SH2D3C: variants seen among roughly 807,000 people sequenced by gnomAD.
SH2D3C encodes SH2 domain-containing protein 3C.
SH2D3C carries 25 observed loss-of-function variants against 75.2 expected under a neutral mutation model. That is an observed-to-expected ratio of 0.33 (90% CI 0.24 to 0.46). The LOEUF is 0.46. Ranked by LOEUF, SH2D3C falls within the 20% of genes least tolerant of loss-of-function variation. SH2D3C has a pLI of 1.00. For synonymous variants in SH2D3C, 450 were observed against 473.7 expected, an observed-to-expected ratio of 0.95 and a Z score of 0.65; for missense variants, 933 against 1,165.3, an observed-to-expected ratio of 0.80 and a Z score of 2.90.
rs1262084559 is a variant in SH2D3C at position 127,755,266 on chromosome 9, G to A, written c.556-3966C>T. 6.0e-6 allele frequency: 7 copies of A among 1,163,314 alleles called. No homozygotes were observed. The Admixed American group carries it at 2.8e-4, about 47-fold the overall frequency. 72.1% of individuals were successfully genotyped at this position (1,163,314 alleles called of 1,614,324 possible). A position where few individuals can be genotyped will look rare whatever the true frequency, so the allele number is the denominator to read the frequency against. On this transcript the variant is annotated intron_variant, in intron 3 of 11. Coordinates refer to ENST00000314830, the MANE Select transcript of SH2D3C (RefSeq NM_170600.3). ...GCACCGGCTGCGCGTGCCTCTCAGCGGCGCGATTACCTCATCGCCTTGTCG... is the reference window on the plus strand; with the variant it reads ...GCACCGGCTGCGCGTGCCTCTCAGCAGCGCGATTACCTCATCGCCTTGTCG...
chr9:127,761,723 G>T, intron 2 of SH2D3C, 73 bp from the exon 3 acceptor site: 2 of 1,339,760 alleles, frequency 1.5e-6, no homozygotes, highest in Non-Finnish European at 2.1e-6. Context: ...TTGCCTGCCT[G>T]CCTGGGGCCA....
intron 3 of SH2D3C, among the ~76,000 whole-genome samples, chr9:127,759,807 C>T (rs1396146631): frequency 6.6e-6 from 1 of 151,956 alleles, no homozygotes; most frequent in African/African-American, 2.4e-5. Context: ...CACGGTGAAA[C>T]TCCGACTCTA....
intron 2 of SH2D3C, among the ~76,000 whole-genome samples, chr9:127,762,919 G>T (rs1225726412): frequency 2.6e-5 from 4 of 152,212 alleles, no homozygotes; most frequent in Admixed American, 2.6e-4. Context: ...GATTATGCCA[G>T]AAAAACAGGC....
intron 3 of SH2D3C, chr9:127,755,244 C>A: frequency 8.7e-7 from 1 of 1,143,042 alleles, no homozygotes; most frequent in Non-Finnish European, 1.1e-6. Context: ...CGGCTAGGCA[C>A]CGGCTGCGCG....
chr9:127,766,965 A>G, intron 2 of SH2D3C: 1 of 1,536,198 alleles, frequency 6.5e-7, no homozygotes, highest in Non-Finnish European at 8.7e-7. Context: ...GGCCCTGGGC[A>G]AAAAGAGCTG....
Position 127,749,247 on chromosome 9 carries a change from G to T in SH2D3C, c.1103C>A (p.Ala368Asp). ...GCCATCGCTGCGGGTGACCTTGTCA[G>T]CAGTGAGCCCATCGGTCATGGTGAC... ...RSVTMTDGLT[A>D]DKVTRSDGCP... is the part of the protein sequence containing the mutation. Residue 368 changes from alanine to aspartate, a missense_variant, in exon 5 of 12, where the codon GCT becomes GAT. Coordinates refer to ENST00000314830, the MANE Select transcript of SH2D3C (RefSeq NM_170600.3). This position sits in a 1 kb window ranked among gnomAD's most constrained non-coding sequence, Gnocchi z 5.9. The T allele has an allele frequency of 6.3e-7, 1 of 1,584,902 alleles. No homozygotes were observed. Among genetic ancestry groups the T allele is most frequent in the Non-Finnish European group, 8.6e-7 (1 of 1,163,326 alleles).
rs1256158471 is a variant in SH2D3C, at chr9:127,738,754, C to T, written c.2575G>A (p.Glu859Lys). 3 of 1,600,246 alleles carry T rather than the reference C, an allele frequency of 1.9e-6. No homozygotes were observed. The highest frequency in any genetic ancestry group is 2.6e-6 in the Non-Finnish European group (3 of 1,172,928). The change falls in exon 12 of 12, where the codon GAG (glutamate) becomes AAG (lysine). Residue 859 changes from glutamate to lysine, a missense_variant. Physicochemically the swap from Glu to Lys is moderately conservative, Grantham distance 56. Transcript: ENST00000314830. The surrounding 1 kb of genome is among the most constrained non-coding windows in gnomAD (Gnocchi z 5.0). ...HKLEPAVRSS[E>K]L ...GGGAAATGTCCCTGGGGTCACAGCT[C>T]GCTGGAGCGGACAGCAGGTTCCAGC...
chr9:127,740,002 G>T (rs982769105), intron 10 of SH2D3C, 114 bp from the exon 11 acceptor site: 11 of 1,021,252 alleles, frequency 1.1e-5, no homozygotes, highest in African/African-American at 1.6e-5. Flanking sequence ...CCGGGAGAGA[G>T]CCCCAAGGGC....
intron 2 of SH2D3C, among the ~76,000 whole-genome samples, chr9:127,773,493 C>T (rs1037630149): frequency 6.6e-6 from 1 of 152,190 alleles, no homozygotes; most frequent in Non-Finnish European, 1.5e-5. Context: ...CTGTGAATCT[C>T]AGCTTCCTCA....
In SH2D3C at chr9:127,751,298, G is replaced by C. The variant is rs770390338; in HGVS notation, c.558C>G (p.Phe186Leu). The C allele has an allele frequency of 2.5e-5, 41 of 1,613,530 alleles. No homozygotes were observed. Among genetic ancestry groups the C allele is most frequent in the Non-Finnish European group, 3.4e-5 (40 of 1,179,710 alleles). Residue 186 changes from phenylalanine to leucine, a missense_variant and splice_region_variant, in exon 4 of 12, where the codon TTC becomes TTG. By Grantham distance (22) the Phe-to-Leu change is conservative. Transcript: ENST00000314830. The surrounding 1 kb of genome is among the most constrained non-coding windows in gnomAD (Gnocchi z 4.1). ...AGTCCAGGATGTACTTCTCCTTGGA[G>C]AACTGGGTAGAAAACAGCAAGAGTT... ...EPEAGSDYVK[F>L]SKEKYILDSS...
chr9:127,773,041 C>A, intron 2 of SH2D3C, among the ~76,000 whole-genome samples: 1 of 151,706 alleles, frequency 6.6e-6, no homozygotes. Flanking sequence ...ACCATGTTAG[C>A]CAGGCTGTTT....
rs552881453 is a variant in SH2D3C at position 127,744,601 on chromosome 9, C to T, written c.1763G>A (p.Arg588Gln). The T allele has an allele frequency of 2.8e-5, 45 of 1,612,126 alleles. No homozygotes were observed. The highest frequency in any genetic ancestry group is 1.1e-4 in the African/African-American group (8 of 74,894). The part of the protein sequence containing the change: ...VKELLAEVDA[R>Q]TLARHVTKVD... Reference sequence around the variant, plus strand: ...CTTGGTGACATGCCGGGCCAGCGTCCGGGCATCCACTTCTGCCAGCAGCTC... The same window carrying T: ...CTTGGTGACATGCCGGGCCAGCGTCTGGGCATCCACTTCTGCCAGCAGCTC... Residue 588 changes from arginine (R) to glutamine (Q), a missense_variant, in exon 7 of 12, where the codon CGG becomes CAG. Physicochemically the swap from Arg to Gln is conservative, Grantham distance 43. Coordinates refer to ENST00000314830, the MANE Select transcript of SH2D3C (RefSeq NM_170600.3).
chr9:127,738,979 G>A lies in SH2D3C; in HGVS notation c.2408-58C>T. ...GCTGGGGTTCCTGTCCAGAGCCCTA[G>A]CATTCTTCAGGACCCCCCTGTTAGG... On this transcript the variant is annotated intron_variant, in intron 11 of 11. Coordinates refer to ENST00000314830, the MANE Select transcript of SH2D3C (RefSeq NM_170600.3). This position sits in a 1 kb window ranked among gnomAD's most constrained non-coding sequence, Gnocchi z 5.0. The A allele has an allele frequency of 7.0e-7, 1 of 1,434,084 alleles. No individual in the cohort carries two copies. 88.8% of individuals were successfully genotyped at this position (1,434,084 alleles called of 1,614,324 possible).
chr9:127,770,438 C>T (rs1204884861), intron 2 of SH2D3C, among the ~76,000 whole-genome samples: 2 of 152,182 alleles, frequency 1.3e-5, no homozygotes, highest in African/African-American at 4.8e-5. Flanking sequence ...ATCTCAGGCC[C>T]ATCTGGGCTA....
chr9:127,742,754 G>T, intron 8 of SH2D3C, 95 bp downstream of exon 8: 1 of 877,106 alleles, frequency 1.1e-6, no homozygotes, highest in Non-Finnish European at 1.7e-6. Context: ...CCTGGGAGCC[G>T]AGCTGAGGCT....
intron 8 of SH2D3C, 119 bp from the exon 9 acceptor site, chr9:127,742,078 T>C: frequency 1.0e-6 from 1 of 960,986 alleles, no homozygotes; most frequent in Non-Finnish European, 1.5e-6. Context: ...CGTGAGAGGT[T>C]GTAAGGGTCA....
At chr9:127,747,341 C>T in intron 5 of SH2D3C, 70 bp from the exon 6 acceptor site, 4 of 1,467,636 alleles carry the variant, frequency 2.7e-6, no homozygotes, top group Non-Finnish European at 3.7e-6. Flanking sequence ...CTGGGACCCC[C>T]CACCTCTGCA....
Position 127,741,893 on chromosome 9 carries a change from C to T in SH2D3C, c.1983G>A (p.Arg661=). The change falls in exon 9 of 12, where the codon CGG becomes CGA. Residue 661 remains arginine (R), a synonymous_variant. Transcript: ENST00000314830. ...GAATGGTCTTGTGCAGCAGCGCTGC[C>T]CGCTCCTCCGCAGAGCCGGTGCAGC... is the stretch of plus-strand genomic sequence containing the variant. ...ILGCTGSAEE[R]AALLHKTIQL... is the part of the protein sequence containing the mutation. 3 of 1,613,126 alleles carry T rather than the reference C, an allele frequency of 1.9e-6. No homozygotes were observed. Among genetic ancestry groups the T allele is most frequent in the Non-Finnish European group, 2.5e-6 (3 of 1,179,980 alleles).
intron 5 of SH2D3C, among the ~76,000 whole-genome samples, chr9:127,748,409 T>C (rs1845097706): frequency 6.6e-6 from 1 of 152,208 alleles, no homozygotes; most frequent in Non-Finnish European, 1.5e-5. Flanking sequence ...CTCAAGGGCC[T>C]ATCCAAGTGC....
Sources: allele counts gnomAD v4.1 joint callset (sites outside exome capture counted in the v4.1 genomes callset), GRCh38; gene constraint gnomAD v4.1.1; non-coding constraint Gnocchi (gnomAD v3.1); transcripts MANE v1.5; gene names NCBI Gene and HGNC (gene_info 2026-07-23, HGNC 2026-07-21).